MARCHF7: variants seen among roughly 807,000 people sequenced by gnomAD.
MARCHF7 encodes E3 ubiquitin-protein ligase MARCHF7.
In MARCHF7, 20 loss-of-function variants were observed where a neutral mutation model predicts 76.5. The observed-to-expected ratio is 0.26, with a 90% CI of 0.18 to 0.38. The LOEUF is 0.38. Ranked by LOEUF, MARCHF7 falls within the 10% of genes least tolerant of loss-of-function variation. The probability of loss-of-function intolerance (pLI) is 1.00; values close to 1 mark genes in which losing one functional copy is unlikely to be tolerated. For missense variants in MARCHF7, 797 were observed against 812.9 expected, an observed-to-expected ratio of 0.98 and a Z score of 0.24; for synonymous variants, 295 against 293.0, an observed-to-expected ratio of 1.01 and a Z score of -0.07.
intron 4 of MARCHF7, among the ~76,000 whole-genome samples, chr2:159,736,938 T>C (rs1447141025): frequency 1.3e-5 from 2 of 152,232 alleles, no homozygotes; most frequent in East Asian, 1.9e-4. Flanking sequence ...CCTCATTTTA[T>C]TGAGTTATAA....
rs948113196 is a variant in MARCHF7 at position 159,770,313 on chromosome 2, T to G, written c.*2971T>G. The G allele has an allele frequency of 1.3e-5, 2 of 152,192 alleles. No homozygotes were observed. Among genetic ancestry groups the G allele is most frequent in the African/African-American group, 4.8e-5 (2 of 41,440 alleles). The allele number at this position is 152,192 out of a possible 1,614,324, so 9.4% of individuals were successfully genotyped here. A position where few individuals can be genotyped will look rare whatever the true frequency, so the allele number is the denominator to read the frequency against. On this transcript the variant is annotated 3_prime_UTR_variant, in exon 12 of 12. Transcript: ENST00000409175. ...CTTACAGAGCATGCTTGTGCTTGTG[T>G]AACAGCTGGTGTAATGCCTGCATTT...
At chr2:159,745,995 C>G (rs1704831459) in intron 6 of MARCHF7, 58 bp downstream of exon 6, 1 of 1,403,274 alleles carries the variant, frequency 7.1e-7, no homozygotes, top group Admixed American at 2.0e-5. Flanking sequence ...CCTCTTTATG[C>G]ATGTTACTAA....
intron 10 of MARCHF7, among the ~76,000 whole-genome samples, chr2:159,764,255 T>TGTGTGTGTGTGCGC (rs10592175): frequency 4.6e-4 from 61 of 131,476 alleles, no homozygotes; most frequent in African/African-American, 1.8e-3. Context: ...TGTGTGTGTG[T>TGTGTGTGTGTGCGC]GCGCGCGCCC....
At chr2:159,724,572 T>G (rs1173398760) in intron 3 of MARCHF7, among the ~76,000 whole-genome samples, 2 of 152,230 alleles carry the variant, frequency 1.3e-5, no homozygotes, top group Admixed American at 6.5e-5. Flanking sequence ...CCAGTCCTTA[T>G]GTTGAATTTA....
At chr2:159,712,807 C>T (rs1169013164) in intron 1 of MARCHF7, 1 of 152,650 alleles carries the variant, frequency 6.6e-6, no homozygotes, top group Non-Finnish European at 1.5e-5. Context: ...GGTCCGGGGC[C>T]ACCGGGGCCA....
chr2:159,745,914 G>A lies in MARCHF7; in HGVS notation c.491G>A (p.Ser164Asn). ...ISNLMDYSHR[S>N]GDFTTSSYVQ... ...AATCTTATGGATTATAGTCACCGAA[G>A]TGGTGATTTCACAACTTCATCATGT... Residue 164 changes from serine to asparagine, a missense_variant, in exon 6 of 12, where the codon AGT becomes AAT. By Grantham distance (46) the Ser-to-Asn change is conservative (BLOSUM62 1). Coordinates refer to ENST00000409175, the MANE Select transcript of MARCHF7 (RefSeq NM_001282805.2). 1 of 1,610,036 alleles carries A rather than the reference G, an allele frequency of 6.2e-7. No individual in the cohort carries two copies.
intron 7 of MARCHF7, among the ~76,000 whole-genome samples, chr2:159,749,675 A>G (rs1705373007): frequency 6.6e-6 from 1 of 152,068 alleles, no homozygotes. Flanking sequence ...ACATCCAGTA[A>G]GATGTTTCAT....
At chr2:159,712,938 G>T (rs954567539) in intron 1 of MARCHF7, among the ~76,000 whole-genome samples, 1 of 152,148 alleles carries the variant, frequency 6.6e-6, no homozygotes, top group Admixed American at 6.5e-5. Context: ...ACGGGAAGAA[G>T]CCTGAGCCCT....
At chr2:159,734,416 C>G (rs1052042881) in intron 4 of MARCHF7, among the ~76,000 whole-genome samples, 5 of 149,736 alleles carry the variant, frequency 3.3e-5, no homozygotes, top group Non-Finnish European at 7.4e-5. Context: ...ATTTTTAAAA[C>G]TACCTTATGC....
At chr2:159,752,796 G>A (rs1365062624) in intron 8 of MARCHF7, among the ~76,000 whole-genome samples, 1 of 152,160 alleles carries the variant, frequency 6.6e-6, no homozygotes, top group Non-Finnish European at 1.5e-5. Context: ...CTTCATACAT[G>A]TATAATACAG....
At chr2:159,722,735 C>G (rs1701770894) in intron 3 of MARCHF7, among the ~76,000 whole-genome samples, 1 of 152,218 alleles carries the variant, frequency 6.6e-6, no homozygotes, top group African/African-American at 2.4e-5. Context: ...TTTTGACCTA[C>G]AACTTACGCA....
chr2:159,742,294 C>G (rs1027966978), intron 4 of MARCHF7, among the ~76,000 whole-genome samples: 5 of 151,008 alleles, frequency 3.3e-5, no homozygotes, highest in African/African-American at 7.3e-5. Flanking sequence ...GTTGTATGAC[C>G]GTATTCTGGA....
chr2:159,758,963 G>A (rs1018655698), intron 8 of MARCHF7, among the ~76,000 whole-genome samples: 3 of 152,194 alleles, frequency 2.0e-5, no homozygotes, highest in Non-Finnish European at 4.4e-5. Context: ...AAGGATGTAT[G>A]AGTATCTGGG....
chr2:159,739,020 G>A (rs891578895), intron 4 of MARCHF7, among the ~76,000 whole-genome samples: 4 of 152,188 alleles, frequency 2.6e-5, no homozygotes, highest in Non-Finnish European at 5.9e-5. Context: ...CTGGTGTGTC[G>A]GCACTGCCCC....
At chr2:159,753,021 T>A (rs1013270430) in intron 8 of MARCHF7, among the ~76,000 whole-genome samples, 3 of 152,194 alleles carry the variant, frequency 2.0e-5, no homozygotes, top group African/African-American at 7.2e-5. Context: ...TAGTTCTAGA[T>A]GTTGGTTATA....
chr2:159,767,264 A>G lies in MARCHF7; in HGVS notation c.2057-20A>G. On this transcript the variant is annotated intron_variant, in intron 11 of 11. Transcript: ENST00000409175. ...ATCCCCCTTAAAATCATTCTTGATC[A>G]TCCTGTTTTCTTTCAACAGCTTCAG... The G allele has an allele frequency of 6.3e-7, 1 of 1,590,640 alleles. No individual in the cohort carries two copies. Among genetic ancestry groups the G allele is most frequent in the Non-Finnish European group, 8.6e-7 (1 of 1,160,038 alleles).
chr2:159,723,054 T>C (rs1701804380), intron 3 of MARCHF7, among the ~76,000 whole-genome samples: 1 of 152,230 alleles, frequency 6.6e-6, no homozygotes, highest in African/African-American at 2.4e-5. Flanking sequence ...TTCCCAAAAA[T>C]CCTCTGATTG....
At chr2:159,762,201 T>C (rs1332547487) in intron 9 of MARCHF7, among the ~76,000 whole-genome samples, 1 of 152,254 alleles carries the variant, frequency 6.6e-6, no homozygotes. Flanking sequence ...TTGTCCTTTT[T>C]TCTTTAAAAA....
At chr2:159,733,554 A>AT in intron 4 of MARCHF7, 2 of 983,142 alleles carry the variant, frequency 2.0e-6, no homozygotes, top group Non-Finnish European at 2.4e-6. Flanking sequence ...AACATTAAAA[A>AT]AAAAAAAAAA....
Sources: gnomAD v4.1 joint callset for allele counts (sites outside exome capture counted in the v4.1 genomes callset) on GRCh38, gnomAD v4.1.1 for gene constraint, MANE v1.5 for transcripts, NCBI Gene and HGNC (gene_info 2026-07-23, HGNC 2026-07-21) for gene names.